Variants in GRIA4 observed in about 807,000 individuals in gnomAD.
GRIA4 encodes the protein glutamate ionotropic receptor AMPA type subunit 4.
In GRIA4, 34 loss-of-function variants were observed where a neutral mutation model predicts 104.0. That is an observed-to-expected ratio of 0.33 (90% confidence interval 0.25 to 0.44). The LOEUF (loss-of-function observed/expected upper bound fraction) is 0.44, where lower values mean the gene tolerates loss of function less well. Among genes scored for constraint, GRIA4 ranks in the 20% least tolerant of loss-of-function variants. GRIA4 has a pLI of 1.00. For missense variants in GRIA4, 750 were observed against 1,096.5 expected (o/e 0.68, Z 4.46); for synonymous variants, 386 against 381.9 (o/e 1.01, Z -0.13).
At chr11:105,929,875 T>C (rs1947823499) in intron 13 of GRIA4, among the ~76,000 whole-genome samples, 1 of 152,102 alleles carries the variant, frequency 6.6e-6, no homozygotes, top group Non-Finnish European at 1.5e-5. Context: ...CCAAGAATTG[T>C]TTTAAGCAAT....
At chr11:105,893,265 G>T (rs1167274756) in intron 6 of GRIA4, among the ~76,000 whole-genome samples, 1 of 151,982 alleles carries the variant, frequency 6.6e-6, no homozygotes, top group Non-Finnish European at 1.5e-5. Flanking sequence ...TTACAATGTT[G>T]CCCAGGAACT....
intron 14 of GRIA4, among the ~76,000 whole-genome samples, chr11:105,970,963 A>G (rs1168737046): frequency 6.6e-6 from 1 of 152,162 alleles, no homozygotes; most frequent in Admixed American, 6.6e-5. Context: ...AACTCCTAAT[A>G]TAATATTTAG....
At chr11:105,663,667 TA>T (rs1337203071) in intron 3 of GRIA4, among the ~76,000 whole-genome samples, 1 of 151,848 alleles carries the variant, frequency 6.6e-6, no homozygotes, top group Non-Finnish European at 1.5e-5. Flanking sequence ...ATTCCAGCAT[TA>T]AGGAGCAGCA....
At chr11:105,948,881 A>G (rs1012027276) in intron 14 of GRIA4, among the ~76,000 whole-genome samples, 2 of 151,772 alleles carry the variant, frequency 1.3e-5, no homozygotes, top group Non-Finnish European at 2.9e-5. Context: ...ATGAGCCACC[A>G]CGCCTGGCCA....
chr11:105,684,585 T>C (rs1952815217), intron 3 of GRIA4, among the ~76,000 whole-genome samples: 1 of 147,488 alleles, frequency 6.8e-6, no homozygotes, highest in Admixed American at 6.8e-5. Context: ...ATTGACTATA[T>C]ATTATAATAT....
intron 4 of GRIA4, among the ~76,000 whole-genome samples, chr11:105,776,404 CATT>C (rs1365659029): frequency 6.6e-6 from 1 of 152,004 alleles, no homozygotes; most frequent in African/African-American, 2.4e-5. Context: ...CTTGTTTCAA[CATT>C]ATTAAGAAGA....
Position 105,678,155 on chromosome 11 carries a change from T to C in GRIA4, c.247+65721T>C, listed in dbSNP as rs544995921. Among the ~76,000 whole-genome samples the C allele has an allele frequency of 7.2e-5, 11 of 152,216 alleles. No homozygotes were observed. The South Asian group carries it at 2.3e-3, about 32-fold the overall frequency. ...GTATGCACTTTTAAAAAGATTGTAC[T>C]ATATGTATTTCATATCTGAGAGCAA... On this transcript the variant is annotated intron_variant, in intron 3 of 16. Transcript: ENST00000282499.
intron 5 of GRIA4, among the ~76,000 whole-genome samples, chr11:105,866,715 T>A (rs1324849927): frequency 6.6e-6 from 1 of 151,724 alleles, no homozygotes; most frequent in Non-Finnish European, 1.5e-5. Context: ...CTAAAATATA[T>A]GATTTCTTTT....
chr11:105,658,882 C>G (rs1009870863), intron 3 of GRIA4, among the ~76,000 whole-genome samples: 5 of 151,906 alleles, frequency 3.3e-5, no homozygotes, highest in African/African-American at 1.2e-4. Context: ...TGAAATTAAA[C>G]TCTACATTTC....
At chr11:105,900,132 C>G (rs1369864555) in intron 7 of GRIA4, among the ~76,000 whole-genome samples, 1 of 152,040 alleles carries the variant, frequency 6.6e-6, no homozygotes, top group Non-Finnish European at 1.5e-5. Context: ...CTATACAGTT[C>G]CACAAATAAC....
chr11:105,854,535 G>A (rs555484993), intron 4 of GRIA4, among the ~76,000 whole-genome samples: 1 of 152,274 alleles, frequency 6.6e-6, no homozygotes, highest in South Asian at 2.1e-4. Flanking sequence ...CATTCCTGAA[G>A]CTATGCTATG....
chr11:105,825,203 G>A (rs1943723291), intron 4 of GRIA4, among the ~76,000 whole-genome samples: 1 of 152,044 alleles, frequency 6.6e-6, no homozygotes, highest in Non-Finnish European at 1.5e-5. Context: ...TATGAGAACA[G>A]CCTTGAGTTC....
chr11:105,964,885 C>T lies in GRIA4; in HGVS notation c.2295-7029C>T, dbSNP rs192726444. Among the ~76,000 whole-genome samples, 537 of 151,790 alleles carry T rather than the reference C, an allele frequency of 3.5e-3. 3 individuals carry two copies. The highest frequency in any genetic ancestry group is 5.9e-3 in the Non-Finnish European group (399 of 67,966). On this transcript the variant is annotated intron_variant, in intron 14 of 16. Transcript: ENST00000282499. Reference sequence around the variant, plus strand: ...GCAATGGCACAATCTTGGCTCACTGCAACCTTTGCCTCCCAGGTTCAAGCG... The same window carrying T: ...GCAATGGCACAATCTTGGCTCACTGTAACCTTTGCCTCCCAGGTTCAAGCG...
At chr11:105,957,415 A>G (rs1178950142) in intron 14 of GRIA4, among the ~76,000 whole-genome samples, 4 of 152,126 alleles carry the variant, frequency 2.6e-5, no homozygotes, top group Admixed American at 6.5e-5. Context: ...AAGATCAGAT[A>G]GTTGTAGATA....
intron 4 of GRIA4, among the ~76,000 whole-genome samples, chr11:105,764,729 C>G (rs1940850190): frequency 6.6e-6 from 1 of 151,874 alleles, no homozygotes; most frequent in Non-Finnish European, 1.5e-5. Flanking sequence ...GTGTTCTTCC[C>G]TATTGTTTAT....
intron 3 of GRIA4, among the ~76,000 whole-genome samples, chr11:105,662,007 T>TG (rs1952027440): frequency 1.3e-5 from 2 of 149,852 alleles, no homozygotes; most frequent in Non-Finnish European, 3.0e-5. Context: ...GTGTGTGTGT[T>TG]TGTGTGTGTG....
intron 3 of GRIA4, among the ~76,000 whole-genome samples, chr11:105,676,912 A>G (rs953305721): frequency 6.6e-6 from 1 of 151,752 alleles, no homozygotes; most frequent in South Asian, 2.1e-4. Context: ...ACCAATTTAT[A>G]TCTTAGCAGA....
chr11:105,886,101 C>T (rs1946245370), intron 5 of GRIA4, among the ~76,000 whole-genome samples: 1 of 152,148 alleles, frequency 6.6e-6, no homozygotes, highest in South Asian at 2.1e-4. Context: ...AAAACAAAAA[C>T]ATAAGATCAG....
chr11:105,748,800 A>G (rs1166855284), intron 3 of GRIA4, among the ~76,000 whole-genome samples: 1 of 152,196 alleles, frequency 6.6e-6, no homozygotes, highest in Non-Finnish European at 1.5e-5. Context: ...CTAGAAGATA[A>G]TGTGAAAAAG....
Sources: allele counts gnomAD v4.1 joint callset (sites outside exome capture counted in the v4.1 genomes callset), GRCh38; gene constraint gnomAD v4.1.1; transcripts MANE v1.5; gene names NCBI Gene and HGNC (gene_info 2026-07-23, HGNC 2026-07-21).